The following HYAL3 variants were observed in gnomAD, a reference collection of about 807,000 sequenced individuals.
HYAL3 encodes the protein hyaluronidase 3, also known as hyaluronidase-3.
HYAL3 carries 25 observed loss-of-function variants against 29.6 expected under a neutral mutation model. That is an observed-to-expected ratio of 0.85 (90% confidence interval 0.62 to 1.18). The LOEUF is 1.18. Ranked by LOEUF, HYAL3 falls within the 50% of genes most tolerant of loss-of-function variation. The probability of loss-of-function intolerance (pLI) is 0.00; values close to 1 mark genes in which losing one functional copy is unlikely to be tolerated. For missense variants in HYAL3, 442 were observed against 548.4 expected (o/e 0.81, Z 1.94); for synonymous variants, 215 against 218.3 (o/e 0.99, Z 0.13).
In HYAL3 at chr3:50,292,916, C is replaced by T; in HGVS notation, c.*330G>A. 2 of 1,508,374 alleles carry T rather than the reference C, an allele frequency of 1.3e-6. No homozygotes were observed. Among genetic ancestry groups the T allele is most frequent in the Non-Finnish European group, 1.8e-6 (2 of 1,122,856 alleles). 93.4% of individuals were successfully genotyped at this position (1,508,374 alleles called of 1,614,324 possible). ...ACCTTCGCCAAGATTTTTTGGGGCC[C>T]ATCTGCCCGTGCACGGCCCATCTGT... On this transcript the variant is annotated 3_prime_UTR_variant, in exon 4 of 4. Coordinates refer to ENST00000336307, the MANE Select transcript of HYAL3 (RefSeq NM_003549.4).
intron 1 of HYAL3, 23 bp from the exon 2 acceptor site, chr3:50,295,642 A>C: frequency 6.6e-7 from 1 of 1,508,642 alleles, no homozygotes; most frequent in Non-Finnish European, 8.9e-7. Context: ...GGGGGGTGTA[A>C]GCTTAGAGTC....
intron 1 of HYAL3, chr3:50,298,958 GC>G: frequency 7.0e-7 from 1 of 1,432,292 alleles, no homozygotes; most frequent in African/African-American, 1.4e-5. Context: ...TGTGGGCGGG[GC>G]TCCGGGGTCC....
intron 2 of HYAL3, among the ~76,000 whole-genome samples, chr3:50,294,191 G>A (rs587605462): frequency 2.6e-5 from 4 of 152,236 alleles, no homozygotes; most frequent in South Asian, 4.1e-4. Context: ...CCAGCTATTC[G>A]GGAGGAGGCT....
chr3:50,298,195 C>T (rs1701938442), intron 1 of HYAL3: 3 of 719,914 alleles, frequency 4.2e-6, no homozygotes, highest in Non-Finnish European at 5.1e-6. Context: ...CCTTTCTTCT[C>T]CCTATGTTCC....
Position 50,294,792 on chromosome 3 carries a change from C to A in HYAL3, c.811G>T (p.Ala271Ser). The A allele has an allele frequency of 6.6e-7, 1 of 1,518,978 alleles. No homozygotes were observed. The highest frequency in any genetic ancestry group is 8.8e-7 in the Non-Finnish European group (1 of 1,131,336). 94.1% of individuals were successfully genotyped at this position (1,518,978 alleles called of 1,614,324 possible). ...RHRLEEAFRVALVGHRHPLPV... is the reference protein window; with the variant it reads ...RHRLEEAFRVSLVGHRHPLPV... The stretch of plus-strand genomic sequence containing the variant: ...AGGGGATGTCGGTGCCCAACAAGGG[C>A]CACACGGAAGGCCTCCTCCAGGCGA... The change falls in exon 2 of 4, where the codon GCC becomes TCC. Residue 271 changes from alanine (A) to serine (S), a missense_variant. Transcript: ENST00000336307.
In HYAL3 at chr3:50,295,249, A is replaced by G; in HGVS notation, c.354T>C (p.Pro118=). 6.2e-7 allele frequency: 1 copy of G among 1,613,912 alleles called. No homozygotes were observed. The highest frequency in any genetic ancestry group is 8.5e-7 in the Non-Finnish European group (1 of 1,180,008). Residue 118 remains proline (P), a synonymous_variant, in exon 2 of 4, where the codon CCT becomes CCC. Transcript: ENST00000336307. ...CCAGCACTGCTGGGCCAGCAAAGCC[A>G]GGTCTCAGGCTGTGGTGGATCTGGT... ...AAYQIHHSLR[P]GFAGPAVLDW... is the part of the protein sequence containing the mutation.
chr3:50,296,939 G>A, intron 1 of HYAL3: 1 of 1,608,004 alleles, frequency 6.2e-7, no homozygotes, highest in Non-Finnish European at 8.5e-7. Context: ...GGTCATGGGT[G>A]GTGAGATGCA....
Position 50,295,503 on chromosome 3 carries a change from GCA to G in HYAL3, c.98_99del (p.Val33AlafsTer10), listed in dbSNP as rs781821316. ...LPQVPERPFS[V>X]LWNVPSAHCE... ...CAGTGTGCTGAGGGTACATTCCACA[GCA>G]CAGAGAAGGGGCGTTCAGGGACCTG... On this transcript the variant is annotated frameshift_variant, in exon 2 of 4. Transcript: ENST00000336307. LOFTEE classifies it high-confidence loss of function. 3 of 1,595,044 alleles carry G rather than the reference GCA, an allele frequency of 1.9e-6. No homozygotes were observed. Among genetic ancestry groups the G allele is most frequent in the South Asian group, 2.2e-5 (2 of 90,346 alleles).
chr3:50,296,192 T>C (rs1701832608), intron 1 of HYAL3, among the ~76,000 whole-genome samples: 1 of 152,128 alleles, frequency 6.6e-6, no homozygotes, highest in Non-Finnish European at 1.5e-5. Context: ...TGACACACAG[T>C]AGGTGCTCAG....
In HYAL3 at chr3:50,299,240, C is replaced by T. The variant is rs782034507; in HGVS notation, c.-45G>A. 5.9e-5 allele frequency: 96 copies of T among 1,613,962 alleles called. No individual in the cohort carries two copies. The highest frequency in any genetic ancestry group is 1.2e-4 in the Admixed American group (7 of 60,002). ...GTTGATGCTGGCCTCTGGGATGTTC[C>T]GCGTCCTAGCTCCGCACAGCTGGGT... On this transcript the variant is annotated 5_prime_UTR_variant, in exon 1 of 4. Coordinates refer to ENST00000336307, the MANE Select transcript of HYAL3 (RefSeq NM_003549.4).
chr3:50,296,955 CG>C, intron 1 of HYAL3: 1 of 1,601,032 alleles, frequency 6.2e-7, no homozygotes, highest in Non-Finnish European at 8.5e-7. Context: ...ATGCAGCTTG[CG>C]GAAGCCCCGG....
intron 2 of HYAL3, among the ~76,000 whole-genome samples, chr3:50,294,156 G>A (rs1701757042): frequency 6.6e-6 from 1 of 152,158 alleles, no homozygotes; most frequent in African/African-American, 2.4e-5. Context: ...AAAATTAGCT[G>A]GGTGTGGTGG....
Position 50,297,714 on chromosome 3 carries a change from T to G in HYAL3, c.-18+1499A>C, listed in dbSNP as rs587748831. On this transcript the variant is annotated intron_variant, in intron 1 of 3. Coordinates refer to ENST00000336307, the MANE Select transcript of HYAL3 (RefSeq NM_003549.4). This position sits in a 1 kb window ranked among gnomAD's most constrained non-coding sequence, Gnocchi z 4.3. ...TGCTGGGCTGTGCCAGGAGGGAGGG[T>G]GGGGTTGGAGCAGGGAAGGGCTGAC... 5.9e-6 allele frequency: 8 copies of G among 1,357,478 alleles called. No individual in the cohort carries two copies. The African/African-American group carries it at 1.0e-4, about 18-fold the overall frequency. The allele number at this position is 1,357,478 out of a possible 1,614,324, so 84.1% of individuals were successfully genotyped here. A position where few individuals can be genotyped will look rare whatever the true frequency, so the allele number is the denominator to read the frequency against.
chr3:50,292,917 A>G lies in HYAL3; in HGVS notation c.*329T>C. 6.6e-7 allele frequency: 1 copy of G among 1,505,926 alleles called. No homozygotes were observed. Among genetic ancestry groups the G allele is most frequent in the South Asian group, 1.1e-5 (1 of 89,442 alleles). The allele number at this position is 1,505,926 out of a possible 1,614,324, so 93.3% of individuals were successfully genotyped here. A position where few individuals can be genotyped will look rare whatever the true frequency, so the allele number is the denominator to read the frequency against. Reference sequence around the variant, plus strand: ...CCTTCGCCAAGATTTTTTGGGGCCCATCTGCCCGTGCACGGCCCATCTGTG... The same window carrying G: ...CCTTCGCCAAGATTTTTTGGGGCCCGTCTGCCCGTGCACGGCCCATCTGTG... On this transcript the variant is annotated 3_prime_UTR_variant, in exon 4 of 4. Transcript: ENST00000336307.
In HYAL3 at chr3:50,293,240, C is replaced by T; in HGVS notation, c.*6G>A. ...AAAAGAAGAGGCAGTGGCAGGGGCC[C>T]TGGCTTTATACTGCTTCTTTAGGCC... On this transcript the variant is annotated 3_prime_UTR_variant, in exon 4 of 4. Transcript: ENST00000336307. 2 of 1,613,048 alleles carry T rather than the reference C, an allele frequency of 1.2e-6. No homozygotes were observed. The highest frequency in any genetic ancestry group is 1.7e-6 in the Non-Finnish European group (2 of 1,180,018).
chr3:50,298,916 G>A (rs1197445515), intron 1 of HYAL3: 16 of 1,378,594 alleles, frequency 1.2e-5, no homozygotes, highest in South Asian at 9.1e-5. Flanking sequence ...CTTCCCCGCG[G>A]CCTTAACCCC....
chr3:50,299,195 G>A lies in HYAL3; in HGVS notation c.-18+18C>T. ...GGGTGGACCTACAGGCAGCAAATGG[G>A]AAGGGTGCGGTACTGACATGTTGAT... is the stretch of plus-strand genomic sequence containing the variant. On this transcript the variant is annotated intron_variant, in intron 1 of 3. Coordinates refer to ENST00000336307, the MANE Select transcript of HYAL3 (RefSeq NM_003549.4). 1.2e-6 allele frequency: 2 copies of A among 1,614,200 alleles called. No individual in the cohort carries two copies. The highest frequency in any genetic ancestry group is 1.7e-6 in the Non-Finnish European group (2 of 1,180,032).
chr3:50,297,804 C>T lies in HYAL3; in HGVS notation c.-18+1409G>A. On this transcript the variant is annotated intron_variant, in intron 1 of 3. Coordinates refer to ENST00000336307, the MANE Select transcript of HYAL3 (RefSeq NM_003549.4). This position sits in a 1 kb window ranked among gnomAD's most constrained non-coding sequence, Gnocchi z 4.3. ...GGTGGGCTGCACTTTGTCCCACACT[C>T]ACCTGATAGCACAGGTGACCTGGAA... is the stretch of plus-strand genomic sequence containing the variant. The T allele has an allele frequency of 8.5e-7, 1 of 1,177,234 alleles. No individual in the cohort carries two copies. Among genetic ancestry groups the T allele is most frequent in the Non-Finnish European group, 1.1e-6 (1 of 951,658 alleles). 72.9% of individuals were successfully genotyped at this position (1,177,234 alleles called of 1,614,324 possible). A position where few individuals can be genotyped will look rare whatever the true frequency, so the allele number is the denominator to read the frequency against.
rs199780029 is a variant in HYAL3, at chr3:50,296,936, G to T, written c.-17-1317C>A. On this transcript the variant is annotated intron_variant, in intron 1 of 3. Coordinates refer to ENST00000336307, the MANE Select transcript of HYAL3 (RefSeq NM_003549.4). Reference sequence around the variant, plus strand: ...GGGTATAGAAGTGCACCTGGTCATGGGTGGTGAGATGCAGCTTGCGGAAGC... The same window carrying T: ...GGGTATAGAAGTGCACCTGGTCATGTGTGGTGAGATGCAGCTTGCGGAAGC... The T allele has an allele frequency of 3.0e-5, 48 of 1,608,424 alleles. No individual in the cohort carries two copies. In the African/African-American group the frequency reaches 6.1e-4, roughly 21 times the overall value.
Sources: gnomAD v4.1 joint callset for allele counts (sites outside exome capture counted in the v4.1 genomes callset) on GRCh38, gnomAD v4.1.1 for gene constraint, Gnocchi (gnomAD v3.1) non-coding constraint, MANE v1.5 for transcripts, NCBI Gene and HGNC (gene_info 2026-07-23, HGNC 2026-07-21) for gene names.